PTPRD: variants seen among roughly 807,000 people sequenced by gnomAD.
PTPRD encodes the protein receptor-type tyrosine-protein phosphatase delta.
A neutral mutation model predicts 214.5 loss-of-function variants in PTPRD; 34 were observed. That is an observed-to-expected ratio of 0.16 (90% CI 0.12 to 0.21). The LOEUF is 0.21. PTPRD is among the 10% of genes least tolerant of loss of function. PTPRD has a pLI of 1.00. For synonymous variants in PTPRD, 1,128 were observed against 845.7 expected, an observed-to-expected ratio of 1.33 and a Z score of -5.79; for missense variants, 2,545 against 2,398.7, an observed-to-expected ratio of 1.06 and a Z score of -1.27.
chr9:8,728,363 C>G (rs1467390680), intron 12 of PTPRD, among the ~76,000 whole-genome samples: 1 of 152,178 alleles, frequency 6.6e-6, no homozygotes, highest in Non-Finnish European at 1.5e-5. Flanking sequence ...TTTTATTTTA[C>G]TTTCTAAGAA....
intron 4 of PTPRD, among the ~76,000 whole-genome samples, chr9:9,955,638 C>T (rs961699172): frequency 1.3e-5 from 2 of 151,912 alleles, no homozygotes; most frequent in Admixed American, 6.6e-5. Flanking sequence ...ATTCTCCTGC[C>T]TCAGCCTCCC....
At chr9:10,363,992 T>TTTTTTTGTTG (rs1491530755) in intron 2 of PTPRD, among the ~76,000 whole-genome samples, 1 of 36,488 alleles carries the variant, frequency 2.7e-5, no homozygotes, top group African/African-American at 6.8e-5. Flanking sequence ...CATTTTCGGG[T>TTTTTTTGTTG]TTTTTTTTTT....
chr9:8,522,875 C>A (rs976745622), intron 19 of PTPRD, among the ~76,000 whole-genome samples: 11 of 152,182 alleles, frequency 7.2e-5, no homozygotes, highest in African/African-American at 2.7e-4. Context: ...TGATAAGTAA[C>A]CTCATAACCC....
intron 2 of PTPRD, among the ~76,000 whole-genome samples, chr9:10,346,453 TA>T (rs1265365813): frequency 6.6e-6 from 1 of 152,176 alleles, no homozygotes; most frequent in Non-Finnish European, 1.5e-5. Context: ...AAAAATTATA[TA>T]AGAATATATG....
At chr9:10,240,775 T>C (rs1378470300) in intron 3 of PTPRD, among the ~76,000 whole-genome samples, 3 of 151,874 alleles carry the variant, frequency 2.0e-5, no homozygotes, top group Non-Finnish European at 2.9e-5. Flanking sequence ...ATGGATTAAA[T>C]CCTAGTGGCA....
chr9:10,320,496 C>A (rs552360806), intron 3 of PTPRD, among the ~76,000 whole-genome samples: 2 of 152,026 alleles, frequency 1.3e-5, no homozygotes, highest in African/African-American at 4.8e-5. Flanking sequence ...TTTGCAAAAA[C>A]GAATGTATCT....
At chr9:10,398,718 T>C (rs908622440) in intron 2 of PTPRD, among the ~76,000 whole-genome samples, 1 of 151,980 alleles carries the variant, frequency 6.6e-6, no homozygotes, top group African/African-American at 2.4e-5. Context: ...GTGATAATAA[T>C]GATGATGATA....
intron 2 of PTPRD, among the ~76,000 whole-genome samples, chr9:10,465,449 T>A (rs929185919): frequency 6.6e-6 from 1 of 152,178 alleles, no homozygotes; most frequent in African/African-American, 2.4e-5. Context: ...TATATAGGCT[T>A]ACCACAATTC....
chr9:9,633,945 T>A (rs187767814), intron 7 of PTPRD, among the ~76,000 whole-genome samples: 126 of 152,314 alleles, frequency 8.3e-4, no homozygotes, highest in African/African-American at 2.8e-3. Context: ...GTCTATGTGA[T>A]TAACTTTTCC....
chr9:8,911,438 T>TGA (rs1304966513), intron 11 of PTPRD, among the ~76,000 whole-genome samples: 4 of 151,448 alleles, frequency 2.6e-5, no homozygotes, highest in African/African-American at 9.8e-5. Context: ...TGTGTGTGTG[T>TGA]GTGAGAGAGA....
intron 4 of PTPRD, among the ~76,000 whole-genome samples, chr9:10,033,068 T>C (rs1323195170): frequency 6.6e-6 from 1 of 151,324 alleles, no homozygotes; most frequent in Non-Finnish European, 1.5e-5. Flanking sequence ...GATAAATATT[T>C]TAAGGAGCAT....
intron 35 of PTPRD, among the ~76,000 whole-genome samples, chr9:8,421,978 T>C (rs1029252901): frequency 6.6e-6 from 1 of 151,264 alleles, no homozygotes. Context: ...CGAAACCTCA[T>C]CTCTACAAAA....
chr9:9,581,169 C>G (rs1226217318), intron 7 of PTPRD, among the ~76,000 whole-genome samples: 1 of 152,064 alleles, frequency 6.6e-6, no homozygotes, highest in African/African-American at 2.4e-5. Flanking sequence ...TCTTACAACT[C>G]TAATAAATTA....
intron 2 of PTPRD, among the ~76,000 whole-genome samples, chr9:10,480,221 A>C (rs189677169): frequency 6.6e-6 from 1 of 152,198 alleles, no homozygotes; most frequent in South Asian, 2.1e-4. Context: ...TTTGTCCCCA[A>C]TACAGAATTT....
At chr9:8,361,320 A>C (rs144954952) in intron 39 of PTPRD, among the ~76,000 whole-genome samples, 1 of 152,344 alleles carries the variant, frequency 6.6e-6, no homozygotes, top group Non-Finnish European at 1.5e-5. Flanking sequence ...AGCCTAATTA[A>C]AAGTAAAGGT....
chr9:8,951,891 T>C lies in PTPRD; in HGVS notation c.-104+66806A>G, dbSNP rs146351551. On this transcript the variant is annotated intron_variant, in intron 11 of 45. Coordinates refer to ENST00000381196, the MANE Select transcript of PTPRD (RefSeq NM_002839.4). ...TGCTCAAAATTCTCCAGTGCGTTTCTAAACCACACTTGAAATGAATTCCAA... is the reference window on the plus strand; with the variant it reads ...TGCTCAAAATTCTCCAGTGCGTTTCCAAACCACACTTGAAATGAATTCCAA... 5.3e-4 allele frequency among the ~76,000 whole-genome samples: 81 copies of C among 152,156 alleles called. 1 individual carries two copies. In the East Asian group the frequency reaches 0.015, roughly 29 times the overall value.
intron 8 of PTPRD, among the ~76,000 whole-genome samples, chr9:9,421,363 A>G (rs1464044065): frequency 6.6e-6 from 1 of 152,090 alleles, no homozygotes; most frequent in Non-Finnish European, 1.5e-5. Flanking sequence ...AATTAAATAT[A>G]TAATTCCAAA....
intron 8 of PTPRD, among the ~76,000 whole-genome samples, chr9:9,425,464 T>C (rs537532124): frequency 6.4e-4 from 94 of 145,744 alleles, no homozygotes; most frequent in African/African-American, 2.3e-3. Context: ...ATAAAATATA[T>C]AATTATATAT....
chr9:9,841,289 G>C (rs1265086979), intron 5 of PTPRD, among the ~76,000 whole-genome samples: 2 of 152,066 alleles, frequency 1.3e-5, no homozygotes, highest in Non-Finnish European at 2.9e-5. Context: ...AAAAGTTGAA[G>C]TGTAATGGGC....
Sources: gnomAD v4.1 joint callset for allele counts (sites outside exome capture counted in the v4.1 genomes callset) on GRCh38, gnomAD v4.1.1 for gene constraint, MANE v1.5 for transcripts, NCBI Gene and HGNC (gene_info 2026-07-23, HGNC 2026-07-21) for gene names.